Variants in EIF4E3 observed in about 807,000 individuals in gnomAD.
EIF4E3 encodes the protein eukaryotic translation initiation factor 4E family member 3, also known as eukaryotic translation initiation factor 4E type 3.
EIF4E3 carries 26 observed loss-of-function variants against 31.7 expected under a neutral mutation model. The observed-to-expected ratio is 0.82, with a 90% CI of 0.60 to 1.14. The LOEUF (loss-of-function observed/expected upper bound fraction) is 1.14, where lower values mean the gene tolerates loss of function less well. Ranked by LOEUF, EIF4E3 falls within the 50% of genes most tolerant of loss-of-function variation. The probability of loss-of-function intolerance (pLI) is 0.00; values close to 1 mark genes in which losing one functional copy is unlikely to be tolerated. For synonymous variants in EIF4E3, 128 were observed against 107.7 expected, an observed-to-expected ratio of 1.19 and a Z score of -1.17; for missense variants, 304 against 270.9, an observed-to-expected ratio of 1.12 and a Z score of -0.86.
intron 1 of EIF4E3, among the ~76,000 whole-genome samples, chr3:71,745,551 AT>A: frequency 6.6e-6 from 1 of 152,342 alleles, no homozygotes; most frequent in Non-Finnish European, 1.5e-5. Flanking sequence ...TCGATGCACT[AT>A]TTGATTTTCG....
upstream of EIF4E3, chr3:71,754,607 C>A: frequency 2.1e-6 from 3 of 1,446,774 alleles, no homozygotes; most frequent in Non-Finnish European, 2.7e-6. This position sits in a 1 kb window ranked among gnomAD's most constrained non-coding sequence, Gnocchi z 5.8. Context: ...CGCTGGGCTT[C>A]CTGCTGCTGC....
the EIF4E3 span, among the ~76,000 whole-genome samples, chr3:71,661,981 T>C: frequency 6.6e-6 from 1 of 152,204 alleles, no homozygotes; most frequent in Non-Finnish European, 1.5e-5. Flanking sequence ...CCTCGCTAGA[T>C]AAGAAAAGTT....
At chr3:71,693,412 G>T (rs1397433003) in intron 5 of EIF4E3, among the ~76,000 whole-genome samples, 2 of 152,086 alleles carry the variant, frequency 1.3e-5, no homozygotes, top group African/African-American at 4.8e-5. Flanking sequence ...AAGACGAAGG[G>T]GTTAGGGGTT....
rs1298878235 is a variant in EIF4E3 at position 71,696,526 on chromosome 3, C to T, written c.345-6G>A. 6.2e-7 allele frequency: 1 copy of T among 1,614,018 alleles called. No individual in the cohort carries two copies. Among genetic ancestry groups the T allele is most frequent in the Non-Finnish European group, 8.5e-7 (1 of 1,179,988 alleles). ...TTGCATTACTCTCCTCTTCCCTGGG[C>T]CAAAGACCAACGTTTAAAGTTACAC... On this transcript the variant is annotated splice_polypyrimidine_tract_variant and splice_region_variant and intron_variant, in intron 3 of 6. Transcript: ENST00000425534.
At chr3:71,747,350 G>A (rs959116664) in intron 1 of EIF4E3, among the ~76,000 whole-genome samples, 12 of 152,236 alleles carry the variant, frequency 7.9e-5, no homozygotes, top group Admixed American at 4.6e-4. Flanking sequence ...TATCTCAGAT[G>A]GTTTGAATTG....
At chr3:71,715,671 T>C (rs910333343) in intron 1 of EIF4E3, among the ~76,000 whole-genome samples, 3 of 152,194 alleles carry the variant, frequency 2.0e-5, no homozygotes, top group Admixed American at 1.3e-4. Context: ...AACACAGCAA[T>C]GGAACAATAA....
Position 71,679,215 on chromosome 3 carries a change from G to A in EIF4E3, c.*5467C>T, listed in dbSNP as rs1479114407. 1.3e-5 allele frequency: 2 copies of A among 152,104 alleles called. No homozygotes were observed. Among genetic ancestry groups the A allele is most frequent in the Non-Finnish European group, 2.9e-5 (2 of 68,002 alleles). 9.4% of individuals were successfully genotyped at this position (152,104 alleles called of 1,614,324 possible). A position where few individuals can be genotyped will look rare whatever the true frequency, so the allele number is the denominator to read the frequency against. ...TTTTCACCCTAAGCCTTCATTAAAA[G>A]TTGCTTATTTGTATGTGAAAAGATG... On this transcript the variant is annotated 3_prime_UTR_variant, in exon 7 of 7. Transcript: ENST00000425534.
intron 1 of EIF4E3, among the ~76,000 whole-genome samples, chr3:71,724,190 CCACTGCAGGGCAGA>C (rs2049592947): frequency 6.6e-6 from 1 of 152,262 alleles, no homozygotes; most frequent in Admixed American, 6.5e-5. Context: ...CATTGGGCAC[CCACTGCAGGGCAGA>C]CACTAAGAAG....
intron 3 of EIF4E3, among the ~76,000 whole-genome samples, chr3:71,697,147 CTGGGATTACAGGCA>C (rs1194657173): frequency 2.0e-5 from 3 of 152,168 alleles, no homozygotes; most frequent in Non-Finnish European, 1.5e-5. Context: ...TCCCAAGTAG[CTGGGATTACAGGCA>C]TGTGCCATCA....
the EIF4E3 span, among the ~76,000 whole-genome samples, chr3:71,668,950 G>A: frequency 6.6e-6 from 1 of 152,156 alleles, no homozygotes; most frequent in African/African-American, 2.4e-5. Flanking sequence ...GCACACATAT[G>A]TTTATTGCAG....
rs1399522031 is a variant in EIF4E3, at chr3:71,722,611, TAC to T, written c.176+2579_176+2580del. ...CCTCAAATGCCGAAATCCTTAACCA[TAC>T]AGTCTAATTTTTTAACCAAATAAGG... On this transcript the variant is annotated intron_variant, in intron 1 of 6. Transcript: ENST00000425534. 2.6e-5 allele frequency among the ~76,000 whole-genome samples: 4 copies of T among 152,350 alleles called. No individual in the cohort carries two copies. The East Asian group carries it at 7.7e-4, about 29-fold the overall frequency.
intron 3 of EIF4E3, among the ~76,000 whole-genome samples, chr3:71,698,292 G>A (rs1478969103): frequency 6.6e-6 from 1 of 152,200 alleles, no homozygotes; most frequent in Non-Finnish European, 1.5e-5. Context: ...CTAGTGCAGA[G>A]AGGCTCGCTT....
intron 3 of EIF4E3, among the ~76,000 whole-genome samples, chr3:71,696,983 G>A (rs929001128): frequency 1.3e-5 from 2 of 151,020 alleles, no homozygotes; most frequent in African/African-American, 4.9e-5. Flanking sequence ...CTCCCAAAGC[G>A]CTGGGATTAC....
intron 1 of EIF4E3, among the ~76,000 whole-genome samples, chr3:71,750,318 C>T (rs2049913911): frequency 6.6e-6 from 1 of 152,050 alleles, no homozygotes; most frequent in South Asian, 2.1e-4. Flanking sequence ...AGTGACTTGT[C>T]GAACACCATG....
chr3:71,752,057 T>A (rs1276546301), intron 1 of EIF4E3, among the ~76,000 whole-genome samples: 1 of 152,002 alleles, frequency 6.6e-6, no homozygotes, highest in African/African-American at 2.4e-5. Flanking sequence ...CACTTAGGAG[T>A]CCCAAGTCAG....
chr3:71,734,217 G>A (rs2108140186), intron 1 of EIF4E3, among the ~76,000 whole-genome samples: 1 of 152,248 alleles, frequency 6.6e-6, no homozygotes, highest in South Asian at 2.1e-4. Flanking sequence ...ATCATACTAG[G>A]TCATCATTAC....
At chr3:71,754,527 C>G, upstream of EIF4E3, 1 of 1,340,794 alleles carries the variant, frequency 7.5e-7, no homozygotes, top group Admixed American at 3.3e-5. The surrounding 1 kb of genome is among the most constrained non-coding windows in gnomAD (Gnocchi z 5.8). Context: ...CCCGCCAGTG[C>G]TGGACGGCGG....
In EIF4E3 at chr3:71,693,912, T is replaced by C. The variant is rs2049097929; in HGVS notation, c.435A>G (p.Ala145=). 6.3e-7 allele frequency: 1 copy of C among 1,586,596 alleles called. No individual in the cohort carries two copies. The highest frequency in any genetic ancestry group is 8.6e-7 in the Non-Finnish European group (1 of 1,166,156). Residue 145 remains alanine (A), a synonymous_variant, in exon 5 of 7, where the codon GCA becomes GCG. Coordinates refer to ENST00000425534, the MANE Select transcript of EIF4E3 (RefSeq NM_001134651.2). ...AGTCTGTGAACTGTTCCCCGATGGT[T>C]GCTAACAGCAACTCTTTCCAAACTG... The part of the protein sequence containing the change: ...TSTVWKELLL[A]TIGEQFTDCA...
intron 1 of EIF4E3, among the ~76,000 whole-genome samples, chr3:71,720,125 AAGT>A (rs542130005): frequency 6.8e-4 from 104 of 152,180 alleles, no homozygotes; most frequent in African/African-American, 2.4e-3. Flanking sequence ...TAAAAAAAAA[AAGT>A]AGGGAATCTT....
Sources: gnomAD v4.1 joint callset for allele counts (sites outside exome capture counted in the v4.1 genomes callset) on GRCh38, gnomAD v4.1.1 for gene constraint, Gnocchi (gnomAD v3.1) non-coding constraint, MANE v1.5 for transcripts, NCBI Gene and HGNC (gene_info 2026-07-23, HGNC 2026-07-21) for gene names.